The following EXOC5 variants were observed in gnomAD, a reference collection of about 807,000 sequenced individuals.
EXOC5 encodes the protein exocyst complex component 5.
Under a neutral mutation model 90.8 loss-of-function variants are expected in EXOC5, and 17 were observed. That is an observed-to-expected ratio of 0.19 (90% CI 0.13 to 0.28). The LOEUF is 0.28. Ranked by LOEUF, EXOC5 falls within the 10% of genes least tolerant of loss-of-function variation. EXOC5 has a pLI of 1.00. For missense variants in EXOC5, 569 were observed against 830.6 expected (o/e 0.69, Z 3.87); for synonymous variants, 260 against 270.0 (o/e 0.96, Z 0.36).
chr14:57,253,616 G>A (rs1453323559), intron 1 of EXOC5, among the ~76,000 whole-genome samples: 2 of 152,042 alleles, frequency 1.3e-5, no homozygotes, highest in African/African-American at 4.8e-5. Context: ...TTACTACAAA[G>A]CTACACTGAT....
chr14:57,242,453 G>A (rs865793028), intron 4 of EXOC5, among the ~76,000 whole-genome samples: 3 of 151,086 alleles, frequency 2.0e-5, no homozygotes, highest in African/African-American at 4.9e-5. Flanking sequence ...CATGTTGCCC[G>A]GGCTGGTTTC....
At position 57,268,645 on chromosome 14, in the gene EXOC5, C is replaced by A; in HGVS notation, c.4G>T (p.Ala2Ser). The A allele has an allele frequency of 1.9e-6, 3 of 1,589,544 alleles. No individual in the cohort carries two copies. The South Asian group carries it at 3.4e-5, about 18-fold the overall frequency. The change falls in exon 1 of 18, where the codon GCT (alanine) becomes TCT (serine). Residue 2 changes from alanine to serine, a missense_variant. Transcript: ENST00000621441. ...ACCTCGAAGAGCTCGGCCGTGGTAG[C>A]CATCCCGGCCGGCTGAGAGGCTCGC... M[A>S]TTAELFEEPF... is the part of the protein sequence containing the mutation.
Position 57,229,794 on chromosome 14 carries a change from G to T in EXOC5, c.1236C>A (p.Ser412=). Residue 412 remains serine, a synonymous_variant, in exon 12 of 18, where the codon TCC becomes TCA. Coordinates refer to ENST00000621441, the MANE Select transcript of EXOC5 (RefSeq NM_006544.4). ...SIDTHGETFL[S]QEVVVNLLQE... ...GTAAAAGATTAACCACCACTTCTTG[G>T]GATAGAAAAGTCTCCCCATGAGTAT... 1 of 1,527,430 alleles carries T rather than the reference G, an allele frequency of 6.5e-7. No individual in the cohort carries two copies. Among genetic ancestry groups the T allele is most frequent in the Non-Finnish European group, 8.8e-7 (1 of 1,131,116 alleles). 94.6% of individuals were successfully genotyped at this position (1,527,430 alleles called of 1,614,324 possible).
intron 1 of EXOC5, among the ~76,000 whole-genome samples, chr14:57,260,639 C>T (rs1004589769): frequency 3.3e-5 from 5 of 152,080 alleles, no homozygotes; most frequent in African/African-American, 1.2e-4. Context: ...ATTCCTGTTA[C>T]ACTAGTCTCA....
At chr14:57,227,195 T>C (rs1340435984) in intron 12 of EXOC5, among the ~76,000 whole-genome samples, 1 of 152,132 alleles carries the variant, frequency 6.6e-6, no homozygotes, top group African/African-American at 2.4e-5. Flanking sequence ...CATGAAAAGA[T>C]GCTCAACATG....
At chr14:57,220,510 GA>G (rs1883096771) in intron 13 of EXOC5, among the ~76,000 whole-genome samples, 1 of 152,028 alleles carries the variant, frequency 6.6e-6, no homozygotes. Flanking sequence ...AAGTTACTGG[GA>G]AAAGAAACCT....
intron 2 of EXOC5, 70 bp from the exon 3 acceptor site, chr14:57,246,928 T>C (rs905535018): frequency 1.5e-5 from 13 of 870,870 alleles, no homozygotes; most frequent in Non-Finnish European, 2.1e-5. Flanking sequence ...CCAGTTAACT[T>C]ATAATCATAG....
In EXOC5 at chr14:57,246,788, C is replaced by G; in HGVS notation, c.193G>C (p.Glu65Gln). 6.2e-7 allele frequency: 1 copy of G among 1,607,416 alleles called. No homozygotes were observed. Among genetic ancestry groups the G allele is most frequent in the Non-Finnish European group, 8.5e-7 (1 of 1,176,172 alleles). ...TTCTGACATTGTTGCTCTAGTTTCTCTACTTTCCTCTGAATCCTTTCATCC... is the reference window on the plus strand; with the variant it reads ...TTCTGACATTGTTGCTCTAGTTTCTGTACTTTCCTCTGAATCCTTTCATCC... ...IMDERIQRKVEKLEQQCQKEA... is the reference protein window; with the variant it reads ...IMDERIQRKVQKLEQQCQKEA... Residue 65 changes from glutamate to glutamine, a missense_variant, in exon 3 of 18, where the codon GAG becomes CAG. Physicochemically the swap from Glu to Gln is conservative, Grantham distance 29. Around this residue, in one of 9 missense-constraint regions of EXOC5, gnomAD observed 45 missense variants for 44.6 expected, o/e 1.01. Transcript: ENST00000621441.
chr14:57,265,170 A>C (rs1884631415), intron 1 of EXOC5, among the ~76,000 whole-genome samples: 1 of 151,530 alleles, frequency 6.6e-6, no homozygotes, highest in African/African-American at 2.4e-5. Flanking sequence ...CATAGGATTA[A>C]TATTTCTATG....
chr14:57,262,725 A>G (rs1884550710), intron 1 of EXOC5, among the ~76,000 whole-genome samples: 1 of 148,514 alleles, frequency 6.7e-6, no homozygotes, highest in East Asian at 1.9e-4. Context: ...ATGTGTGTGT[A>G]TATATACGTA....
chr14:57,204,988 G>A lies in EXOC5; in HGVS notation c.*3621C>T, dbSNP rs1452211285. On this transcript the variant is annotated 3_prime_UTR_variant, in exon 18 of 18. Coordinates refer to ENST00000621441, the MANE Select transcript of EXOC5 (RefSeq NM_006544.4). ...TAGAACCTAAAAGTGAGTGAGAAAA[G>A]ATTTAGGTTTCAATCTGAGCATTTT... 1 of 151,888 alleles carries A rather than the reference G, an allele frequency of 6.6e-6. No individual in the cohort carries two copies. Among genetic ancestry groups the A allele is most frequent in the Non-Finnish European group, 1.5e-5 (1 of 67,828 alleles). The allele number at this position is 151,888 out of a possible 1,614,324, so 9.4% of individuals were successfully genotyped here.
intron 5 of EXOC5, among the ~76,000 whole-genome samples, chr14:57,238,028 G>A (rs907711064): frequency 6.6e-6 from 1 of 151,856 alleles, no homozygotes; most frequent in East Asian, 1.9e-4. Context: ...AAGATTGTGT[G>A]CAATTGTTTG....
intron 9 of EXOC5, among the ~76,000 whole-genome samples, chr14:57,233,490 TA>T (rs1399323573): frequency 6.6e-6 from 1 of 152,042 alleles, no homozygotes; most frequent in Non-Finnish European, 1.5e-5. Flanking sequence ...CTTACCACAA[TA>T]TATTATACTA....
intron 1 of EXOC5, among the ~76,000 whole-genome samples, chr14:57,258,932 G>C (rs1007310328): frequency 2.6e-5 from 4 of 152,116 alleles, no homozygotes; most frequent in African/African-American, 7.2e-5. Flanking sequence ...TCGTTTCAGA[G>C]AGATATTTCT....
intron 15 of EXOC5, among the ~76,000 whole-genome samples, chr14:57,212,672 T>C (rs916348517): frequency 6.6e-6 from 1 of 152,218 alleles, no homozygotes; most frequent in Admixed American, 6.5e-5. Context: ...GGCAAACTCA[T>C]TAAGGAATTT....
intron 3 of EXOC5, 133 bp from the exon 4 acceptor site, chr14:57,244,492 A>C: frequency 1.5e-6 from 1 of 675,740 alleles, no homozygotes; most frequent in Non-Finnish European, 2.5e-6. Context: ...CATGCTCATT[A>C]GTGTGACATG....
intron 5 of EXOC5, among the ~76,000 whole-genome samples, chr14:57,238,409 C>T (rs931734594): frequency 4.8e-5 from 7 of 146,854 alleles, no homozygotes; most frequent in South Asian, 2.2e-4. Context: ...CACACACACA[C>T]ATATTCATAT....
intron 1 of EXOC5, among the ~76,000 whole-genome samples, chr14:57,267,042 T>C (rs1884691457): frequency 6.6e-6 from 1 of 152,136 alleles, no homozygotes; most frequent in Non-Finnish European, 1.5e-5. Flanking sequence ...TGCCGGCAAA[T>C]ACCTTAATTA....
rs369238860 is a variant in EXOC5, at chr14:57,244,263, G to T, written c.367C>A (p.Pro123Thr). 5 of 1,613,058 alleles carry T rather than the reference G, an allele frequency of 3.1e-6. No individual in the cohort carries two copies. In the African/African-American group the frequency reaches 6.7e-5, roughly 22 times the overall value. The change falls in exon 4 of 18, where the codon CCC becomes ACC. Residue 123 changes from proline (P) to threonine (T), a missense_variant. Physicochemically the swap from Pro to Thr is conservative, Grantham distance 38 (BLOSUM62 -1). This residue lies in a region of EXOC5 where 97 missense variants were observed against 177.9 expected (regional missense o/e 0.55). Transcript: ENST00000621441. ...TGAGCCTCCACTGCCCGTTGTCTGG[G>T]TGTGTTTACCCCCTCTAACTGGTCT... is the stretch of plus-strand genomic sequence containing the variant. ...LGDQLEGVNT[P>T]RQRAVEAQKL...
Sources: gnomAD v4.1 joint callset for allele counts (sites outside exome capture counted in the v4.1 genomes callset) on GRCh38, gnomAD v4.1.1 for gene constraint, gnomAD v4.1.1 regional missense constraint, MANE v1.5 for transcripts, NCBI Gene and HGNC (gene_info 2026-07-23, HGNC 2026-07-21) for gene names.